CALN1: variants seen among roughly 807,000 people sequenced by gnomAD.
CALN1 encodes calcium-binding protein 8.
Under a neutral mutation model 30.6 loss-of-function variants are expected in CALN1, and 17 were observed. That is an observed-to-expected ratio of 0.56 (90% CI 0.38 to 0.83). The LOEUF is 0.83. Ranked by LOEUF, CALN1 falls within the 40% of genes least tolerant of loss-of-function variation. The pLI is 0.00. For missense variants in CALN1, 291 were observed against 354.9 expected, an observed-to-expected ratio of 0.82 and a Z score of 1.45; for synonymous variants, 156 against 131.4, an observed-to-expected ratio of 1.19 and a Z score of -1.28.
At chr7:72,227,646 C>A (rs1338040743) in intron 3 of CALN1, among the ~76,000 whole-genome samples, 1 of 151,914 alleles carries the variant, frequency 6.6e-6, no homozygotes, top group Non-Finnish European at 1.5e-5. Flanking sequence ...ACTATGCTCA[C>A]TACCTGAGTG....
At chr7:71,861,679 T>C (rs1791286694) in intron 5 of CALN1, among the ~76,000 whole-genome samples, 1 of 147,080 alleles carries the variant, frequency 6.8e-6, no homozygotes, top group Non-Finnish European at 1.5e-5. Flanking sequence ...CTCGGGAGGC[T>C]GAGGTGGGAG....
At chr7:72,131,625 T>G (rs1032621173) in intron 3 of CALN1, among the ~76,000 whole-genome samples, 2 of 152,192 alleles carry the variant, frequency 1.3e-5, no homozygotes, top group African/African-American at 4.8e-5. Flanking sequence ...TGCCCTGACC[T>G]AACATTGTTC....
intron 4 of CALN1, among the ~76,000 whole-genome samples, chr7:72,046,148 A>G (rs940174520): frequency 7.9e-5 from 12 of 152,068 alleles, no homozygotes; most frequent in African/African-American, 2.9e-4. Flanking sequence ...CCCTGTCTCT[A>G]TAAGAAATAC....
chr7:72,239,350 T>G (rs1032660862), intron 3 of CALN1, among the ~76,000 whole-genome samples: 1 of 152,040 alleles, frequency 6.6e-6, no homozygotes, highest in Non-Finnish European at 1.5e-5. Flanking sequence ...AAGCTATGAT[T>G]GCACCACCGC....
rs116819495 is a variant in CALN1 at position 71,868,771 on chromosome 7, T to C, written c.502-58279A>G. Among the ~76,000 whole-genome samples, 1,396 of 152,212 alleles carry C rather than the reference T, an allele frequency of 9.2e-3. 27 individuals are homozygous for C. The highest frequency in any genetic ancestry group is 0.032 in the African/African-American group (1,316 of 41,520). On this transcript the variant is annotated intron_variant, in intron 5 of 6. Transcript: ENST00000395275. ...CTACCTCCAACATTGGGGATGATAATTCAACGTGAGATTTGCTCGAGGACA... is the reference window on the plus strand; with the variant it reads ...CTACCTCCAACATTGGGGATGATAACTCAACGTGAGATTTGCTCGAGGACA...
the CALN1 span, among the ~76,000 whole-genome samples, chr7:72,464,843 A>G: frequency 6.6e-6 from 1 of 152,206 alleles, no homozygotes; most frequent in Non-Finnish European, 1.5e-5. Flanking sequence ...TGGAAACCAG[A>G]AACCACCAGT....
chr7:72,366,547 T>G (rs10156071), intron 2 of CALN1, among the ~76,000 whole-genome samples: 1 of 151,778 alleles, frequency 6.6e-6, no homozygotes, highest in Non-Finnish European at 1.5e-5. Flanking sequence ...GGATGAATTT[T>G]TAGTGCTGAA....
intron 1 of CALN1, among the ~76,000 whole-genome samples, chr7:72,405,729 A>T (rs74802389): frequency 1.3e-5 from 2 of 151,384 alleles, no homozygotes; most frequent in Non-Finnish European, 2.9e-5. Context: ...AAAAAAAAAA[A>T]TGACATTTTA....
intron 5 of CALN1, among the ~76,000 whole-genome samples, chr7:71,836,622 CTTT>C (rs756689224): frequency 1.7e-4 from 23 of 132,620 alleles, no homozygotes; most frequent in Admixed American, 5.3e-4. Flanking sequence ...CTCTCTGTCT[CTTT>C]TTTTTTTTTT....
Position 71,779,911 on chromosome 7 carries a change from T to A in CALN1, c.*7864A>T, listed in dbSNP as rs761468389. The A allele has an allele frequency of 2.0e-5, 3 of 152,212 alleles. No individual in the cohort carries two copies. The highest frequency in any genetic ancestry group is 4.4e-5 in the Non-Finnish European group (3 of 68,050). 9.4% of individuals were successfully genotyped at this position (152,212 alleles called of 1,614,324 possible). ...GTCCTGGCCATGATCAATCCCCAGCTGTGCTTCTATTTACACCCAACATAT... is the reference window on the plus strand; with the variant it reads ...GTCCTGGCCATGATCAATCCCCAGCAGTGCTTCTATTTACACCCAACATAT... On this transcript the variant is annotated 3_prime_UTR_variant, in exon 7 of 7. Coordinates refer to ENST00000395275, the MANE Select transcript of CALN1 (RefSeq NM_031468.4).
intron 1 of CALN1, among the ~76,000 whole-genome samples, chr7:72,446,541 G>C (rs1020063749): frequency 6.6e-6 from 1 of 152,098 alleles, no homozygotes; most frequent in Non-Finnish European, 1.5e-5. Context: ...GACAGGTGTC[G>C]GCAAGATGTT....
At chr7:72,020,718 C>T (rs2129530010) in intron 5 of CALN1, among the ~76,000 whole-genome samples, 1 of 152,250 alleles carries the variant, frequency 6.6e-6, no homozygotes, top group South Asian at 2.1e-4. Flanking sequence ...TTGAGTAAGA[C>T]AAAAACATGG....
intron 3 of CALN1, among the ~76,000 whole-genome samples, chr7:72,208,014 T>TA (rs1792020595): frequency 6.6e-6 from 1 of 152,194 alleles, no homozygotes; most frequent in Non-Finnish European, 1.5e-5. Flanking sequence ...ATTGTTAAAC[T>TA]CAGAAGATCA....
chr7:72,003,961 C>G (rs1562969161), intron 5 of CALN1, among the ~76,000 whole-genome samples: 1 of 152,126 alleles, frequency 6.6e-6, no homozygotes, highest in East Asian at 1.9e-4. Context: ...CCAATTCTCC[C>G]AAGTTGACTT....
chr7:72,397,236 T>C (rs1222430670), intron 2 of CALN1, among the ~76,000 whole-genome samples: 2 of 152,048 alleles, frequency 1.3e-5, no homozygotes, highest in Non-Finnish European at 2.9e-5. Flanking sequence ...CCCGGAGCAC[T>C]CCACATACTG....
At chr7:72,314,780 T>C (rs1466775254) in intron 2 of CALN1, among the ~76,000 whole-genome samples, 1 of 151,180 alleles carries the variant, frequency 6.6e-6, no homozygotes, top group Non-Finnish European at 1.5e-5. Context: ...TGGGGAGGAA[T>C]TTTCTAAACA....
intron 2 of CALN1, among the ~76,000 whole-genome samples, chr7:72,291,954 TA>T (rs1357070918): frequency 4.0e-5 from 6 of 150,020 alleles, no homozygotes; most frequent in African/African-American, 1.5e-4. Flanking sequence ...TATTAGCAGA[TA>T]GGGGCCACCG....
chr7:72,081,859 G>T (rs779748575), intron 4 of CALN1, among the ~76,000 whole-genome samples: 3 of 152,138 alleles, frequency 2.0e-5, no homozygotes, highest in Non-Finnish European at 4.4e-5. Context: ...AAAGAGCTAA[G>T]AAATAAAGAA....
At chr7:72,176,258 T>TG (rs995107373) in intron 3 of CALN1, among the ~76,000 whole-genome samples, 4 of 152,208 alleles carry the variant, frequency 2.6e-5, no homozygotes, top group African/African-American at 9.6e-5. Context: ...ACCAGGGCTT[T>TG]GGAAGAACTT....
Sources: allele counts gnomAD v4.1 joint callset (sites outside exome capture counted in the v4.1 genomes callset), GRCh38; gene constraint gnomAD v4.1.1; transcripts MANE v1.5; gene names NCBI Gene and HGNC (gene_info 2026-07-23, HGNC 2026-07-21).